Variants in HORMAD2 observed in about 807,000 individuals in gnomAD.
HORMAD2 encodes HORMA domain containing 2.
HORMAD2 carries 45 observed loss-of-function variants against 38.8 expected under a neutral mutation model. That is an observed-to-expected ratio of 1.16 (90% confidence interval 0.91 to 1.49). The LOEUF (loss-of-function observed/expected upper bound fraction) is 1.49. HORMAD2 is among the 40% of genes most tolerant of loss of function. HORMAD2 has a pLI of 0.00. For missense variants in HORMAD2, 338 were observed against 367.0 expected, an observed-to-expected ratio of 0.92 and a Z score of 0.65; for synonymous variants, 126 against 122.8, an observed-to-expected ratio of 1.03 and a Z score of -0.17.
chr22:30,087,546 C>G (rs928835276), intron 1 of HORMAD2, among the ~76,000 whole-genome samples: 4 of 152,056 alleles, frequency 2.6e-5, no homozygotes, highest in African/African-American at 9.7e-5. Flanking sequence ...ATTTCTGAGA[C>G]TGGGTAATTT....
the HORMAD2 span, among the ~76,000 whole-genome samples, chr22:30,189,224 G>C: frequency 6.6e-6 from 1 of 152,108 alleles, no homozygotes; most frequent in Admixed American, 6.5e-5. Flanking sequence ...TAGTCTTGGG[G>C]GAATGACAAG....
Position 30,137,786 on chromosome 22 carries a change from C to T in HORMAD2, c.819+15572C>T, listed in dbSNP as rs117065079. 154 of 152,644 alleles carry T rather than the reference C, an allele frequency of 1.0e-3. 2 individuals are homozygous for T. In the South Asian group the frequency reaches 0.015, roughly 15 times the overall value. The allele number at this position is 152,644 out of a possible 1,614,324, so 9.5% of individuals were successfully genotyped here. On this transcript the variant is annotated intron_variant, in intron 10 of 10. Coordinates refer to ENST00000336726, the MANE Select transcript of HORMAD2 (RefSeq NM_152510.4). ...TATGGCTGAATAATACTCCATTGTA[C>T]GGATACACCACATTTTGTCTATCCA... is the stretch of plus-strand genomic sequence containing the variant.
At chr22:30,164,686 G>A (rs187561762) in intron 10 of HORMAD2, among the ~76,000 whole-genome samples, 65 of 152,176 alleles carry the variant, frequency 4.3e-4, no homozygotes, top group African/African-American at 1.3e-3. Flanking sequence ...AAGAGACAGC[G>A]TCTCACTATG....
intron 10 of HORMAD2, among the ~76,000 whole-genome samples, chr22:30,162,127 A>C (rs1287516650): frequency 1.3e-5 from 2 of 152,192 alleles, no homozygotes; most frequent in Non-Finnish European, 2.9e-5. Flanking sequence ...AGCGTGGGCA[A>C]CATGGTGAAA....
the HORMAD2 span, among the ~76,000 whole-genome samples, chr22:30,188,034 G>A: frequency 1.4e-3 from 209 of 151,920 alleles, no homozygotes; most frequent in African/African-American, 4.7e-3. Context: ...TCTTTGATAG[G>A]TGTTGCAAAA....
the HORMAD2 span, among the ~76,000 whole-genome samples, chr22:30,204,914 G>A: frequency 2.0e-5 from 3 of 152,156 alleles, no homozygotes; most frequent in South Asian, 6.2e-4. Context: ...TCTGAGAGCC[G>A]CCTGAGGGAG....
In HORMAD2 at chr22:30,083,026, T is replaced by C. The variant is rs150907808; in HGVS notation, c.-38+2535T>C. ...GCTCACACTTATAATCCCAGCACTTTGGGAGGCTAAGAAAGGAGTATTGCT... is the reference window on the plus strand; with the variant it reads ...GCTCACACTTATAATCCCAGCACTTCGGGAGGCTAAGAAAGGAGTATTGCT... On this transcript the variant is annotated intron_variant, in intron 1 of 10. Transcript: ENST00000336726. Among the ~76,000 whole-genome samples the C allele has an allele frequency of 3.0e-3, 463 of 152,204 alleles. 2 individuals carry two copies. The highest frequency in any genetic ancestry group is 4.9e-3 in the Non-Finnish European group (332 of 67,992).
chr22:30,079,508 CT>C (rs1249381094), upstream of HORMAD2, among the ~76,000 whole-genome samples: 3 of 151,464 alleles, frequency 2.0e-5, no homozygotes, highest in African/African-American at 2.4e-5. Context: ...TCTTTCTTTT[CT>C]TTTTTTTTAT....
At chr22:30,097,452 G>A (rs2068802742) in intron 2 of HORMAD2, among the ~76,000 whole-genome samples, 1 of 152,172 alleles carries the variant, frequency 6.6e-6, no homozygotes, top group Non-Finnish European at 1.5e-5. Context: ...ATAAAATTTA[G>A]CAGGAAGCTA....
chr22:30,201,001 C>G, the HORMAD2 span, among the ~76,000 whole-genome samples: 3 of 152,108 alleles, frequency 2.0e-5, no homozygotes, highest in African/African-American at 7.2e-5. Context: ...CCGCCCACCT[C>G]GGCCTCCCAA....
At chr22:30,174,308 G>A (rs1926298393) in intron 10 of HORMAD2, among the ~76,000 whole-genome samples, 1 of 152,194 alleles carries the variant, frequency 6.6e-6, no homozygotes, top group Non-Finnish European at 1.5e-5. Context: ...TTGGCGTCAA[G>A]TGTACAAACT....
upstream of HORMAD2, among the ~76,000 whole-genome samples, chr22:30,078,909 G>A (rs564034059): frequency 1.3e-5 from 2 of 151,974 alleles, no homozygotes; most frequent in Non-Finnish European, 2.9e-5. Context: ...AGTTACTTCC[G>A]GAAAGTATAG....
At chr22:30,169,662 T>TA (rs1284812818) in intron 10 of HORMAD2, among the ~76,000 whole-genome samples, 1 of 152,214 alleles carries the variant, frequency 6.6e-6, no homozygotes, top group Non-Finnish European at 1.5e-5. Context: ...CCAGTTCACA[T>TA]AGTCAACACC....
At chr22:30,125,008 T>TTGTG (rs1160744627) in intron 10 of HORMAD2, among the ~76,000 whole-genome samples, 1 of 152,084 alleles carries the variant, frequency 6.6e-6, no homozygotes, top group Non-Finnish European at 1.5e-5. Context: ...CTCTGATTAT[T>TTGTG]TGTGTGTTTG....
Position 30,100,963 on chromosome 22 carries a change from G to T in HORMAD2, c.193+1970G>T, listed in dbSNP as rs186789114. Among the ~76,000 whole-genome samples the T allele has an allele frequency of 1.0e-3, 155 of 152,330 alleles. 1 individual carries two copies. Among genetic ancestry groups the T allele is most frequent in the Non-Finnish European group, 1.8e-3 (125 of 68,022 alleles). ...TGCTGGAGAGAATGTAGAGAAATAG[G>T]AATGCTTTTACACTGTTGGTGGGAG... On this transcript the variant is annotated intron_variant, in intron 3 of 10. Coordinates refer to ENST00000336726, the MANE Select transcript of HORMAD2 (RefSeq NM_152510.4).
chr22:30,088,198 T>C (rs1228412657), intron 1 of HORMAD2, among the ~76,000 whole-genome samples: 1 of 150,138 alleles, frequency 6.7e-6, no homozygotes, highest in Admixed American at 6.7e-5. Context: ...TACCTATGTA[T>C]ACATATATAC....
chr22:30,163,545 G>A (rs1231727493), intron 10 of HORMAD2, among the ~76,000 whole-genome samples: 2 of 151,954 alleles, frequency 1.3e-5, no homozygotes, highest in African/African-American at 4.8e-5. Context: ...TGCCACATCA[G>A]CCTTCTGAGT....
chr22:30,108,941 TTTCC>T (rs1019452652), intron 5 of HORMAD2, among the ~76,000 whole-genome samples: 9 of 151,200 alleles, frequency 6.0e-5, no homozygotes, highest in African/African-American at 9.7e-5. Flanking sequence ...TCCCTCCTTC[TTTCC>T]TTCCTTCCTT....
chr22:30,164,474 A>AT (rs1480231833), intron 10 of HORMAD2, among the ~76,000 whole-genome samples: 1 of 152,068 alleles, frequency 6.6e-6, no homozygotes, highest in Non-Finnish European at 1.5e-5. Context: ...TTTCTGTTTT[A>AT]TTTTTTACTA....
Sources: allele counts gnomAD v4.1 joint callset (sites outside exome capture counted in the v4.1 genomes callset), GRCh38; gene constraint gnomAD v4.1.1; transcripts MANE v1.5; gene names NCBI Gene and HGNC (gene_info 2026-07-23, HGNC 2026-07-21).